Variants in MRPL48 observed in about 807,000 individuals in gnomAD.
MRPL48 encodes the protein mitochondrial ribosomal protein L48.
MRPL48 carries 16 observed loss-of-function variants against 32.9 expected under a neutral mutation model. The observed-to-expected ratio is 0.49, with a 90% CI of 0.33 to 0.74. The LOEUF (loss-of-function observed/expected upper bound fraction) is 0.74, where lower values mean the gene tolerates loss of function less well. Ranked by LOEUF, MRPL48 falls within the 30% of genes least tolerant of loss-of-function variation. The pLI is 0.02. For missense variants in MRPL48, 206 were observed against 245.3 expected (o/e 0.84, Z 1.07); for synonymous variants, 94 against 89.2 (o/e 1.05, Z -0.31).
chr11:73,800,580 C>T (rs779185179), intron 1 of MRPL48, among the ~76,000 whole-genome samples: 1 of 152,096 alleles, frequency 6.6e-6, no homozygotes, highest in African/African-American at 2.4e-5. Flanking sequence ...TTCATTCATT[C>T]GCTGGCGTCA....
At chr11:73,838,611 G>T (rs1015834975) in intron 4 of MRPL48, among the ~76,000 whole-genome samples, 1 of 152,186 alleles carries the variant, frequency 6.6e-6, no homozygotes, top group Non-Finnish European at 1.5e-5. Flanking sequence ...TCTTACTGCA[G>T]TGCTGCCTGT....
chr11:73,854,466 T>G (rs569239929), intron 5 of MRPL48, among the ~76,000 whole-genome samples: 20 of 152,254 alleles, frequency 1.3e-4, no homozygotes, highest in African/African-American at 4.8e-4. Context: ...TTTGTATTTT[T>G]AGTACAGATG....
At chr11:73,813,128 A>T (rs1299606239) in intron 3 of MRPL48, among the ~76,000 whole-genome samples, 1 of 151,922 alleles carries the variant, frequency 6.6e-6, no homozygotes, top group Admixed American at 6.6e-5. Flanking sequence ...TCATCTTTTC[A>T]TATGGTTATT....
rs1948651013 is a variant in MRPL48, at chr11:73,865,099, T to A, written c.*729T>A. 6.6e-6 allele frequency: 1 copy of A among 152,258 alleles called. No individual in the cohort carries two copies. The highest frequency in any genetic ancestry group is 6.5e-5 in the Admixed American group (1 of 15,274). The allele number at this position is 152,258 out of a possible 1,614,324, so 9.4% of individuals were successfully genotyped here. A position where few individuals can be genotyped will look rare whatever the true frequency, so the allele number is the denominator to read the frequency against. On this transcript the variant is annotated 3_prime_UTR_variant, in exon 8 of 8. Transcript: ENST00000310614. ...AGCCACTGCACCCAGCCAAACTTTT[T>A]ATTTTAATTAGCTGGACGTGGTGGT... is the stretch of plus-strand genomic sequence containing the variant.
chr11:73,815,925 T>C (rs1947660326), intron 3 of MRPL48, among the ~76,000 whole-genome samples: 1 of 151,524 alleles, frequency 6.6e-6, no homozygotes, highest in Non-Finnish European at 1.5e-5. Flanking sequence ...AGGGTCTCCC[T>C]ACGTTGCCCA....
At chr11:73,830,891 G>T (rs1947981350) in intron 4 of MRPL48, among the ~76,000 whole-genome samples, 1 of 151,400 alleles carries the variant, frequency 6.6e-6, no homozygotes, top group Admixed American at 6.6e-5. Context: ...TCTTCCTGGA[G>T]TTCAGTGGTG....
chr11:73,851,647 T>C (rs1236353903), intron 5 of MRPL48, among the ~76,000 whole-genome samples: 1 of 152,138 alleles, frequency 6.6e-6, no homozygotes, highest in Non-Finnish European at 1.5e-5. Flanking sequence ...TGACAGTGCA[T>C]TCCTTCTGGA....
At chr11:73,809,397 G>A (rs759417006) in intron 3 of MRPL48, among the ~76,000 whole-genome samples, 1 of 151,816 alleles carries the variant, frequency 6.6e-6, no homozygotes, top group African/African-American at 2.4e-5. Flanking sequence ...CCAGCTACTC[G>A]GGAGGCTGAG....
At chr11:73,793,611 A>G (rs1212822430) in intron 1 of MRPL48, among the ~76,000 whole-genome samples, 1 of 152,166 alleles carries the variant, frequency 6.6e-6, no homozygotes, top group African/African-American at 2.4e-5. Flanking sequence ...TGAAATGAGA[A>G]CACACTTGGA....
Position 73,796,676 on chromosome 11 carries a change from G to A in MRPL48, c.22-8351G>A, listed in dbSNP as rs1293392212. ...AGTCTGGGGCTAGGCTGCCAGTCCC[G>A]TGGACAGGAGTGGGAACTTAACGGT... On this transcript the variant is annotated intron_variant, in intron 1 of 7. Coordinates refer to ENST00000310614, the MANE Select transcript of MRPL48 (RefSeq NM_016055.6). Among the ~76,000 whole-genome samples the A allele has an allele frequency of 5.9e-5, 9 of 152,328 alleles. No individual in the cohort carries two copies. In the South Asian group the frequency reaches 1.5e-3, roughly 25 times the overall value.
intron 1 of MRPL48, among the ~76,000 whole-genome samples, chr11:73,793,748 A>C (rs1177261514): frequency 2.6e-5 from 4 of 151,748 alleles, no homozygotes; most frequent in Non-Finnish European, 4.4e-5. Context: ...ATATTTAGGC[A>C]TGGTGGCTCA....
chr11:73,814,741 C>T (rs1197280730), intron 3 of MRPL48, among the ~76,000 whole-genome samples: 1 of 151,344 alleles, frequency 6.6e-6, no homozygotes, highest in Non-Finnish European at 1.5e-5. Flanking sequence ...TGCTTGTAAT[C>T]TCGGCAGTTT....
chr11:73,809,280 GGC>G (rs1276726639), intron 3 of MRPL48, among the ~76,000 whole-genome samples: 1 of 152,056 alleles, frequency 6.6e-6, no homozygotes, highest in Admixed American at 6.6e-5. Flanking sequence ...GGCCGAGGAG[GGC>G]GGATCATGAG....
At chr11:73,844,508 G>C (rs1948250806) in intron 4 of MRPL48, among the ~76,000 whole-genome samples, 2 of 152,268 alleles carry the variant, frequency 1.3e-5, no homozygotes, top group African/African-American at 4.8e-5. Flanking sequence ...GAAATGGGAG[G>C]TGAATCTCAA....
intron 4 of MRPL48, chr11:73,832,628 A>T (rs1261402705): frequency 6.3e-6 from 1 of 158,792 alleles, no homozygotes; most frequent in Non-Finnish European, 1.5e-5. Context: ...CAGCCAGATC[A>T]GCTGAATCAA....
At chr11:73,814,797 C>T (rs942801737) in intron 3 of MRPL48, among the ~76,000 whole-genome samples, 1 of 151,924 alleles carries the variant, frequency 6.6e-6, no homozygotes, top group Non-Finnish European at 1.5e-5. Flanking sequence ...AGTTCTAGAC[C>T]AGCCTGGTCA....
At chr11:73,850,937 A>G (rs1021219160) in intron 5 of MRPL48, 3 of 260,596 alleles carry the variant, frequency 1.2e-5, no homozygotes, top group African/African-American at 4.6e-5. Flanking sequence ...TGGCCTCCCA[A>G]AGTGCTGGGA....
At chr11:73,860,664 A>C (rs1013086235) in intron 6 of MRPL48, among the ~76,000 whole-genome samples, 1 of 152,218 alleles carries the variant, frequency 6.6e-6, no homozygotes, top group Non-Finnish European at 1.5e-5. Context: ...TAAAAAATTC[A>C]CAGCTTCCCA....
rs190282542 is a variant in MRPL48 at position 73,808,018 on chromosome 11, T to C, written c.75-295T>C. Among the ~76,000 whole-genome samples, 287 of 152,322 alleles carry C rather than the reference T, an allele frequency of 1.9e-3. 3 individuals are homozygous for C. Among genetic ancestry groups the C allele is most frequent in the African/African-American group, 6.8e-3 (283 of 41,568 alleles). On this transcript the variant is annotated intron_variant, in intron 2 of 7. Transcript: ENST00000310614. ...TGACCATACTTTCCTTTGTGTCCTA[T>C]TTAATTTTGTATGTTTCTGTTCTGG...
Sources: allele counts gnomAD v4.1 joint callset (sites outside exome capture counted in the v4.1 genomes callset), GRCh38; gene constraint gnomAD v4.1.1; transcripts MANE v1.5; gene names NCBI Gene and HGNC (gene_info 2026-07-23, HGNC 2026-07-21).